The following DOCK3 variants were observed in gnomAD, a reference collection of about 807,000 sequenced individuals.
DOCK3 encodes the protein dedicator of cytokinesis protein 3.
In DOCK3, 60 loss-of-function variants were observed where a neutral mutation model predicts 265.6. The ratio of observed to expected loss-of-function variants is 0.23; its 90% CI spans 0.18 to 0.28. The LOEUF (loss-of-function observed/expected upper bound fraction) is 0.28. Among genes scored for constraint, DOCK3 ranks in the 10% least tolerant of loss-of-function variants. DOCK3 has a pLI of 1.00. For missense variants in DOCK3, 1,981 were observed against 2,594.3 expected (o/e 0.76, Z 5.14); for synonymous variants, 881 against 938.0 (o/e 0.94, Z 1.11).
intron 10 of DOCK3, among the ~76,000 whole-genome samples, chr3:51,156,052 G>A (rs1346932600): frequency 6.6e-6 from 1 of 151,972 alleles, no homozygotes; most frequent in Non-Finnish European, 1.5e-5. Context: ...AGAATTTTAA[G>A]TAGTGATTTT....
Position 51,289,613 on chromosome 3 carries a change from C to T in DOCK3, c.2922+9409C>T, listed in dbSNP as rs144531096. ...TAGATTAAATTCTCCAATCAAAAGACGTGGAGTTCCTGAATGGATTTTTTT... is the reference window on the plus strand; with the variant it reads ...TAGATTAAATTCTCCAATCAAAAGATGTGGAGTTCCTGAATGGATTTTTTT... On this transcript the variant is annotated intron_variant, in intron 27 of 52. Coordinates refer to ENST00000266037, the MANE Select transcript of DOCK3 (RefSeq NM_004947.5). 6.3e-3 allele frequency among the ~76,000 whole-genome samples: 961 copies of T among 151,654 alleles called. 3 individuals carry two copies. The highest frequency in any genetic ancestry group is 9.9e-3 in the Non-Finnish European group (672 of 67,936).
intron 9 of DOCK3, among the ~76,000 whole-genome samples, chr3:51,139,801 A>C (rs1226543693): frequency 6.6e-6 from 1 of 152,250 alleles, no homozygotes; most frequent in Non-Finnish European, 1.5e-5. Context: ...TAAGATCTGA[A>C]GGATGGCAGT....
chr3:50,763,561 G>A (rs892602559), intron 1 of DOCK3, among the ~76,000 whole-genome samples: 1 of 152,130 alleles, frequency 6.6e-6, no homozygotes, highest in Non-Finnish European at 1.5e-5. Flanking sequence ...GGGATTACAG[G>A]TGTGAGCCAC....
At chr3:50,871,210 C>T (rs1339352122) in intron 3 of DOCK3, among the ~76,000 whole-genome samples, 1 of 151,918 alleles carries the variant, frequency 6.6e-6, no homozygotes, top group Non-Finnish European at 1.5e-5. Context: ...TTAATGAAAT[C>T]CCTCTGCTTT....
At chr3:51,010,817 G>A (rs1323083525) in intron 5 of DOCK3, among the ~76,000 whole-genome samples, 2 of 152,116 alleles carry the variant, frequency 1.3e-5, no homozygotes, top group Non-Finnish European at 1.5e-5. Flanking sequence ...CAGGCTTGGT[G>A]GTGACAAAAT....
chr3:51,098,246 G>A (rs2109684939), intron 9 of DOCK3, among the ~76,000 whole-genome samples: 1 of 152,256 alleles, frequency 6.6e-6, no homozygotes, highest in Non-Finnish European at 1.5e-5. Context: ...TATTAGAAAT[G>A]GGGTTTCACC....
chr3:51,064,775 A>G (rs1422235749), intron 6 of DOCK3, among the ~76,000 whole-genome samples, 179 bp downstream of exon 6: 1 of 152,182 alleles, frequency 6.6e-6, no homozygotes. Flanking sequence ...AAGGATACTC[A>G]CTGGTTCTAG....
chr3:51,237,663 CAACCAGCATTTAAAAA>C, intron 21 of DOCK3, 73 bp downstream of exon 21: 1 of 1,311,330 alleles, frequency 7.6e-7, no homozygotes. Flanking sequence ...AGTTTAGCTG[CAACCAGCATTTAAAAA>C]GTTCAGCTGA....
intron 5 of DOCK3, among the ~76,000 whole-genome samples, chr3:51,059,253 C>G (rs1234197455): frequency 6.6e-6 from 1 of 152,088 alleles, no homozygotes; most frequent in Non-Finnish European, 1.5e-5. Context: ...GCACTAATCC[C>G]ATTCACGAGG....
chr3:50,765,499 A>G (rs1011807106), intron 1 of DOCK3, among the ~76,000 whole-genome samples: 13 of 152,148 alleles, frequency 8.5e-5, no homozygotes, highest in Non-Finnish European at 1.9e-4. Context: ...AGGCCTGAAA[A>G]TGGATCCATG....
chr3:50,854,945 T>C (rs1405347796), intron 3 of DOCK3, among the ~76,000 whole-genome samples: 3 of 152,052 alleles, frequency 2.0e-5, no homozygotes, highest in Non-Finnish European at 4.4e-5. Flanking sequence ...TGATTGTAGG[T>C]ATGTGGCTTT....
At chr3:51,119,949 T>G (rs934192115) in intron 9 of DOCK3, among the ~76,000 whole-genome samples, 7 of 152,140 alleles carry the variant, frequency 4.6e-5, no homozygotes, top group African/African-American at 1.4e-4. Flanking sequence ...ACCCACCTTC[T>G]GAAGCCTACT....
intron 5 of DOCK3, among the ~76,000 whole-genome samples, chr3:51,034,664 T>C (rs1196894290): frequency 6.6e-6 from 1 of 152,132 alleles, no homozygotes; most frequent in African/African-American, 2.4e-5. Flanking sequence ...GTCCTCAATA[T>C]TTATCCATAC....
At chr3:51,251,767 T>C (rs1035745005) in intron 22 of DOCK3, among the ~76,000 whole-genome samples, 20 of 152,252 alleles carry the variant, frequency 1.3e-4, no homozygotes, top group Admixed American at 1.0e-3. Flanking sequence ...ATTAGCCGTT[T>C]GTCAGATGGA....
At chr3:50,731,944 G>A (rs887209949) in intron 1 of DOCK3, among the ~76,000 whole-genome samples, 1 of 151,990 alleles carries the variant, frequency 6.6e-6, no homozygotes, top group Non-Finnish European at 1.5e-5. Context: ...AGGCGATCAT[G>A]ATTATGTTAT....
intron 5 of DOCK3, among the ~76,000 whole-genome samples, chr3:51,007,484 A>T (rs1348302826): frequency 1.3e-5 from 2 of 152,134 alleles, no homozygotes; most frequent in Non-Finnish European, 1.5e-5. Context: ...TTTTACTTGT[A>T]AATTTGTTTG....
chr3:50,788,182 C>A, intron 2 of DOCK3: 2 of 747,472 alleles, frequency 2.7e-6, no homozygotes, highest in Admixed American at 2.8e-5. Context: ...ATGATGAAAG[C>A]TGGATGGCAC....
intron 9 of DOCK3, among the ~76,000 whole-genome samples, chr3:51,139,492 A>G (rs966502093): frequency 1.8e-4 from 27 of 152,248 alleles, no homozygotes; most frequent in African/African-American, 4.8e-4. Flanking sequence ...CTCATTAGCA[A>G]ACTTCCACAT....
At chr3:51,048,824 C>T (rs762545525) in intron 5 of DOCK3, among the ~76,000 whole-genome samples, 8 of 151,704 alleles carry the variant, frequency 5.3e-5, no homozygotes, top group South Asian at 2.1e-4. Context: ...GATCGTGCCA[C>T]TGCACTCCAG....
Sources: gnomAD v4.1 joint callset for allele counts (sites outside exome capture counted in the v4.1 genomes callset) on GRCh38, gnomAD v4.1.1 for gene constraint, MANE v1.5 for transcripts, NCBI Gene and HGNC (gene_info 2026-07-23, HGNC 2026-07-21) for gene names.